The following PLB1 variants were observed in gnomAD, a reference collection of about 807,000 sequenced individuals.
PLB1 encodes phospholipase B1, membrane-associated.
PLB1 carries 242 observed loss-of-function variants against 227.4 expected under a neutral mutation model. The observed-to-expected ratio is 1.06, with a 90% CI of 0.96 to 1.18. PLB1 has a LOEUF of 1.18. Among genes scored for constraint, PLB1 ranks in the 50% most tolerant of loss-of-function variants. PLB1 has a pLI of 0.00. For synonymous variants in PLB1, 757 were observed against 682.2 expected, an observed-to-expected ratio of 1.11 and a Z score of -1.71; for missense variants, 1,858 against 1,816.3, an observed-to-expected ratio of 1.02 and a Z score of -0.42.
intron 46 of PLB1, among the ~76,000 whole-genome samples, chr2:28,619,182 C>T (rs929306693): frequency 1.3e-5 from 2 of 152,178 alleles, no homozygotes; most frequent in Admixed American, 1.3e-4. Flanking sequence ...GTTTCCTGAT[C>T]CTCTCCCTCC....
chr2:28,561,259 G>A (rs1243794751), intron 17 of PLB1, among the ~76,000 whole-genome samples: 2 of 152,142 alleles, frequency 1.3e-5, no homozygotes, highest in Admixed American at 6.5e-5. Context: ...CCACTGCTTC[G>A]TGTTCAACAT....
At chr2:28,636,558 C>T (rs775729922) in intron 56 of PLB1, among the ~76,000 whole-genome samples, 3 of 152,044 alleles carry the variant, frequency 2.0e-5, no homozygotes, top group Non-Finnish European at 4.4e-5. Context: ...TTATAAATAG[C>T]CCCAAACTAG....
In PLB1 at chr2:28,548,890, T is replaced by A; in HGVS notation, c.967T>A (p.Leu323Met). The A allele has an allele frequency of 6.2e-7, 1 of 1,614,024 alleles. No homozygotes were observed. The change falls in exon 15 of 58, where the codon TTG becomes ATG. Residue 323 changes from leucine (L) to methionine (M), a missense_variant. Physicochemically the swap from Leu to Met is conservative, Grantham distance 15 (BLOSUM62 2). Transcript: ENST00000327757. ...MEPAGEKDEP[L>M]SVKHGRPMKC... is the part of the protein sequence containing the mutation. ...GCCAGCAGGAGAGAAAGATGAGCCATTGAGTGTAAAACACGGGAGGCCAAT... is the reference window on the plus strand; with the variant it reads ...GCCAGCAGGAGAGAAAGATGAGCCAATGAGTGTAAAACACGGGAGGCCAAT...
In PLB1 at chr2:28,643,115, C is replaced by A; in HGVS notation, c.*54C>A. The A allele has an allele frequency of 6.8e-7, 1 of 1,463,208 alleles. No homozygotes were observed. Among genetic ancestry groups the A allele is most frequent in the African/African-American group, 1.4e-5 (1 of 71,552 alleles). 90.6% of individuals were successfully genotyped at this position (1,463,208 alleles called of 1,614,324 possible). A position where few individuals can be genotyped will look rare whatever the true frequency, so the allele number is the denominator to read the frequency against. ...CCCTATAGCCACTCTCTTCACCGCCCTCTGCCCCAGCCACTCCCGGCCACC... is the reference window on the plus strand; with the variant it reads ...CCCTATAGCCACTCTCTTCACCGCCATCTGCCCCAGCCACTCCCGGCCACC... On this transcript the variant is annotated 3_prime_UTR_variant, in exon 58 of 58. Transcript: ENST00000327757.
intron 54 of PLB1, among the ~76,000 whole-genome samples, chr2:28,631,644 C>T (rs1325955237): frequency 1.3e-5 from 2 of 152,240 alleles, no homozygotes; most frequent in African/African-American, 2.4e-5. Context: ...ATCTGACCTG[C>T]AGCCCCATGT....
intron 35 of PLB1, among the ~76,000 whole-genome samples, chr2:28,599,905 C>G (rs995315048): frequency 4.8e-4 from 73 of 152,084 alleles, no homozygotes; most frequent in Non-Finnish European, 7.6e-4. Context: ...TGAGCCACTG[C>G]ACCTGGCCTT....
At chr2:28,506,165 A>AT (rs1667615575) in intron 1 of PLB1, among the ~76,000 whole-genome samples, 1 of 152,214 alleles carries the variant, frequency 6.6e-6, no homozygotes, top group African/African-American at 2.4e-5. Flanking sequence ...ACTAAATCAA[A>AT]TGTTAAGGAA....
chr2:28,583,993 C>T (rs1375451708), intron 25 of PLB1, among the ~76,000 whole-genome samples: 3 of 152,198 alleles, frequency 2.0e-5, no homozygotes, highest in Non-Finnish European at 1.5e-5. Context: ...CGCAGCCTTC[C>T]TTCCTGCAGG....
chr2:28,571,346 T>C (rs1251414718), intron 20 of PLB1, among the ~76,000 whole-genome samples: 4 of 152,166 alleles, frequency 2.6e-5, no homozygotes, highest in Admixed American at 2.6e-4. Context: ...ACTCATGGAT[T>C]AGAAGATTTA....
chr2:28,601,644 G>A (rs140162657), intron 37 of PLB1, among the ~76,000 whole-genome samples: 72 of 152,304 alleles, frequency 4.7e-4, no homozygotes, highest in Non-Finnish European at 9.3e-4. Flanking sequence ...GCAAGCAATT[G>A]GAAGGAGGAG....
Position 28,512,897 on chromosome 2 carries a change from TTCAG to T in PLB1, c.56-3908_56-3905del, listed in dbSNP as rs368143821. ...TGGTTTTAGATTTACATGTGGCTCT[TTCAG>T]TCTTTCTGGCACATACATCAATTTC... On this transcript the variant is annotated intron_variant, in intron 1 of 57. Coordinates refer to ENST00000327757, the MANE Select transcript of PLB1 (RefSeq NM_153021.5). Among the ~76,000 whole-genome samples the T allele has an allele frequency of 2.9e-3, 445 of 152,292 alleles. 1 individual carries two copies. The highest frequency in any genetic ancestry group is 0.01 in the African/African-American group (426 of 41,566).
At chr2:28,547,421 C>T (rs556344206) in intron 14 of PLB1, among the ~76,000 whole-genome samples, 46 of 152,302 alleles carry the variant, frequency 3.0e-4, no homozygotes, top group African/African-American at 1.1e-3. Flanking sequence ...AGTTGCCACT[C>T]CTTTTCCAAA....
intron 32 of PLB1, among the ~76,000 whole-genome samples, chr2:28,593,461 A>AG (rs1285816067): frequency 6.6e-6 from 1 of 152,238 alleles, no homozygotes; most frequent in Non-Finnish European, 1.5e-5. Context: ...TGAGATGAGC[A>AG]GGGCGTGTCC....
chr2:28,560,325 G>A (rs1675858645), intron 17 of PLB1, among the ~76,000 whole-genome samples: 1 of 152,192 alleles, frequency 6.6e-6, no homozygotes, highest in Non-Finnish European at 1.5e-5. Flanking sequence ...TGGGAGGTGA[G>A]CTTGTGACTT....
chr2:28,632,199 T>G lies in PLB1; in HGVS notation c.4002+59T>G, dbSNP rs1391337144. ...TGGGGGCCTTATCACAGACGATGGA[T>G]GTATTTCCTTCTCTAAGTGGGCTTT... On this transcript the variant is annotated intron_variant, in intron 55 of 57. Transcript: ENST00000327757. 16 of 1,381,948 alleles carry G rather than the reference T, an allele frequency of 1.2e-5. No individual in the cohort carries two copies. In the African/African-American group the frequency reaches 2.2e-4, roughly 19 times the overall value. The allele number at this position is 1,381,948 out of a possible 1,614,324, so 85.6% of individuals were successfully genotyped here.
intron 19 of PLB1, 176 bp from the exon 20 acceptor site, chr2:28,566,620 G>T: frequency 1.6e-6 from 1 of 625,628 alleles, no homozygotes. Context: ...CCTATGGGGA[G>T]GGGAGTCGTA....
At chr2:28,640,493 GT>G (rs1289041819) in intron 56 of PLB1, among the ~76,000 whole-genome samples, 14 of 152,184 alleles carry the variant, frequency 9.2e-5, no homozygotes, top group Non-Finnish European at 1.2e-4. Flanking sequence ...CTTTCCTAAG[GT>G]TGACTAGCCC....
intron 21 of PLB1, among the ~76,000 whole-genome samples, chr2:28,576,332 G>C (rs1203185940): frequency 3.3e-5 from 5 of 152,202 alleles, no homozygotes; most frequent in Non-Finnish European, 4.4e-5. Context: ...ATACAGCAGT[G>C]CACCATTTAC....
chr2:28,592,388 C>CCTCCATCT (rs1263477957), intron 31 of PLB1, among the ~76,000 whole-genome samples: 12 of 150,368 alleles, frequency 8.0e-5, no homozygotes, highest in African/African-American at 2.4e-4. Context: ...TTCTTCCTTC[C>CCTCCATCT]CTCCATCTCT....
Sources: gnomAD v4.1 joint callset for allele counts (sites outside exome capture counted in the v4.1 genomes callset) on GRCh38, gnomAD v4.1.1 for gene constraint, MANE v1.5 for transcripts, NCBI Gene and HGNC (gene_info 2026-07-23, HGNC 2026-07-21) for gene names.